G3BP1: variants seen among roughly 807,000 people sequenced by gnomAD.
G3BP1 encodes ras GTPase-activating protein-binding protein 1.
A neutral mutation model predicts 58.6 loss-of-function variants in G3BP1; 35 were observed. The ratio of observed to expected loss-of-function variants is 0.60; its 90% CI spans 0.46 to 0.79. The LOEUF (loss-of-function observed/expected upper bound fraction) is 0.79, where lower values mean the gene tolerates loss of function less well. Among genes scored for constraint, G3BP1 ranks in the 30% least tolerant of loss-of-function variants. The pLI is 0.00. For synonymous variants in G3BP1, 191 were observed against 195.4 expected (o/e 0.98, Z 0.19); for missense variants, 523 against 580.8 (o/e 0.90, Z 1.02).
intron 9 of G3BP1, 81 bp from the exon 10 acceptor site, chr5:151,800,137 G>A: frequency 7.1e-7 from 1 of 1,399,938 alleles, no homozygotes; most frequent in African/African-American, 1.4e-5. Context: ...TAGTGTAGAG[G>A]GAAAACTATT....
intron 1 of G3BP1, among the ~76,000 whole-genome samples, chr5:151,783,503 G>A (rs1418538804): frequency 2.0e-5 from 3 of 151,664 alleles, no homozygotes. Flanking sequence ...TGCCTCCCAG[G>A]TTCAAGTGAT....
intron 1 of G3BP1, among the ~76,000 whole-genome samples, chr5:151,780,626 C>T (rs1762450465): frequency 6.6e-6 from 1 of 152,176 alleles, no homozygotes; most frequent in Non-Finnish European, 1.5e-5. Context: ...TGTTCTCCTG[C>T]CTCAGCCTCC....
chr5:151,803,649 A>C (rs1561538497), intron 11 of G3BP1, among the ~76,000 whole-genome samples: 1 of 151,882 alleles, frequency 6.6e-6, no homozygotes, highest in African/African-American at 2.4e-5. Flanking sequence ...GTGTGTCACC[A>C]TGTCTGGCTA....
intron 2 of G3BP1, chr5:151,787,702 A>G: frequency 8.7e-6 from 2 of 230,414 alleles, no homozygotes; most frequent in South Asian, 4.6e-5. Context: ...GAATAATTTC[A>G]TAGAAGTTTC....
At chr5:151,775,600 A>G (rs916113044) in intron 1 of G3BP1, among the ~76,000 whole-genome samples, 1 of 152,254 alleles carries the variant, frequency 6.6e-6, no homozygotes, top group Non-Finnish European at 1.5e-5. Context: ...GCAAAGCCAT[A>G]GGCTGTGCCT....
intron 1 of G3BP1, among the ~76,000 whole-genome samples, chr5:151,773,467 C>A (rs1394499000): frequency 6.6e-6 from 1 of 152,170 alleles, no homozygotes; most frequent in Non-Finnish European, 1.5e-5. Flanking sequence ...ATTTACTCTG[C>A]TGGGTTCTTG....
At position 151,809,937 on chromosome 5, in the gene G3BP1, C is replaced by G. The variant is rs1762993616; in HGVS notation, c.*5846C>G. 6.6e-6 allele frequency: 1 copy of G among 152,198 alleles called. No individual in the cohort carries two copies. Among genetic ancestry groups the G allele is most frequent in the Non-Finnish European group, 1.5e-5 (1 of 68,042 alleles). 9.4% of individuals were successfully genotyped at this position (152,198 alleles called of 1,614,324 possible). ...CCCTCAGGGATGGGTTTACTACTAG[C>G]TGTCAGAAAGCTATTGGGTATCCTA... On this transcript the variant is annotated 3_prime_UTR_variant, in exon 12 of 12. Coordinates refer to ENST00000356245, the MANE Select transcript of G3BP1 (RefSeq NM_005754.3).
rs1330673484 is a variant in G3BP1, at chr5:151,807,819, T to A, written c.*3728T>A. On this transcript the variant is annotated 3_prime_UTR_variant, in exon 12 of 12. Transcript: ENST00000356245. ...GGTAACCTTTTTGAAGAGCTTAGAT[T>A]TGTAGACCACTGTTTATGCTGAGTG... 6.6e-6 allele frequency: 1 copy of A among 152,240 alleles called. No homozygotes were observed. The highest frequency in any genetic ancestry group is 1.5e-5 in the Non-Finnish European group (1 of 68,036). The allele number at this position is 152,240 out of a possible 1,614,324, so 9.4% of individuals were successfully genotyped here.
intron 6 of G3BP1, among the ~76,000 whole-genome samples, chr5:151,796,079 C>G (rs897971897): frequency 3.3e-5 from 5 of 152,086 alleles, no homozygotes; most frequent in African/African-American, 1.2e-4. Flanking sequence ...CAATAGAAAT[C>G]CATATTTACT....
intron 7 of G3BP1, 40 bp downstream of exon 7, chr5:151,797,468 T>A: frequency 1.3e-6 from 2 of 1,535,638 alleles, no homozygotes; most frequent in Non-Finnish European, 1.8e-6. Context: ...TTCCTAGTTA[T>A]TTTTTTTAAA....
At chr5:151,782,004 T>A (rs914862698) in intron 1 of G3BP1, among the ~76,000 whole-genome samples, 4 of 152,032 alleles carry the variant, frequency 2.6e-5, no homozygotes, top group African/African-American at 7.2e-5. Flanking sequence ...TTTTTTTTTT[T>A]AACTCCTTTA....
In G3BP1 at chr5:151,798,971, G is replaced by T. The variant is rs531348365; in HGVS notation, c.742-241G>T. Among the ~76,000 whole-genome samples the T allele has an allele frequency of 5.1e-4, 77 of 152,022 alleles. 1 individual carries two copies. Among genetic ancestry groups the T allele is most frequent in the Non-Finnish European group, 3.1e-4 (21 of 67,936 alleles). ...GCAAGATTCTGTCTCAAAAAAAAAA[G>T]TGAGTAGTTTCTTGAACCTAAGCCT... On this transcript the variant is annotated intron_variant, in intron 7 of 11. Coordinates refer to ENST00000356245, the MANE Select transcript of G3BP1 (RefSeq NM_005754.3).
chr5:151,799,296 A>G lies in G3BP1; in HGVS notation c.826A>G (p.Lys276Glu). 6.4e-7 allele frequency: 1 copy of G among 1,561,882 alleles called. No individual in the cohort carries two copies. The highest frequency in any genetic ancestry group is 8.8e-7 in the Non-Finnish European group (1 of 1,132,406). Residue 276 changes from lysine (K) to glutamate (E), a missense_variant, in exon 8 of 12, where the codon AAA becomes GAA. Coordinates refer to ENST00000356245, the MANE Select transcript of G3BP1 (RefSeq NM_005754.3). ...TACTGGGATACCACCTCATGTTGTTAAAGTACCAGCTTCACAGGTAAGGTC... is the reference window on the plus strand; with the variant it reads ...TACTGGGATACCACCTCATGTTGTTGAAGTACCAGCTTCACAGGTAAGGTC... ...PVTGIPPHVV[K>E]VPASQPRPES... is the part of the protein sequence containing the mutation.
Position 151,804,124 on chromosome 5 carries a change from C to T in G3BP1, c.*33C>T. ...TGGATCTTCATGCAGCCATACAAAC[C>T]CTGGTTCCAACAGAATGGTGAATTT... On this transcript the variant is annotated 3_prime_UTR_variant, in exon 12 of 12. Coordinates refer to ENST00000356245, the MANE Select transcript of G3BP1 (RefSeq NM_005754.3). The T allele has an allele frequency of 6.8e-7, 1 of 1,473,522 alleles. No individual in the cohort carries two copies. Among genetic ancestry groups the T allele is most frequent in the Non-Finnish European group, 9.3e-7 (1 of 1,075,626 alleles). The allele number at this position is 1,473,522 out of a possible 1,614,324, so 91.3% of individuals were successfully genotyped here. A position where few individuals can be genotyped will look rare whatever the true frequency, so the allele number is the denominator to read the frequency against.
At chr5:151,790,242 A>G (rs1295389925) in intron 2 of G3BP1, 81 bp from the exon 3 acceptor site, 4 of 727,544 alleles carry the variant, frequency 5.5e-6, no homozygotes, top group Middle Eastern at 2.7e-4. Context: ...AAAAAAAAAA[A>G]AAAAGTTTGC....
In G3BP1 at chr5:151,812,598, G is replaced by A. The variant is rs1763031994; in HGVS notation, c.*8507G>A. 6.6e-6 allele frequency: 1 copy of A among 152,152 alleles called. No homozygotes were observed. The highest frequency in any genetic ancestry group is 2.1e-4 in the South Asian group (1 of 4,828). 9.4% of individuals were successfully genotyped at this position (152,152 alleles called of 1,614,324 possible). ...TCATTTGCTTTGGCCAGGTTGGGTG[G>A]GACTCTGAGATTGCACACTCTTGCC... On this transcript the variant is annotated 3_prime_UTR_variant, in exon 12 of 12. Coordinates refer to ENST00000356245, the MANE Select transcript of G3BP1 (RefSeq NM_005754.3).
rs1762933540 is a variant in G3BP1 at position 151,805,979 on chromosome 5, A to G, written c.*1888A>G. On this transcript the variant is annotated 3_prime_UTR_variant, in exon 12 of 12. Transcript: ENST00000356245. ...AGAAGTTCTTCCTACTTGGAGACTT[A>G]AGGGCATTAACTAGATGCAGCAATC... 1 of 152,212 alleles carries G rather than the reference A, an allele frequency of 6.6e-6. No homozygotes were observed. The highest frequency in any genetic ancestry group is 6.5e-5 in the Admixed American group (1 of 15,278). 9.4% of individuals were successfully genotyped at this position (152,212 alleles called of 1,614,324 possible).
chr5:151,776,103 C>A (rs1762364817), intron 1 of G3BP1, among the ~76,000 whole-genome samples: 1 of 152,188 alleles, frequency 6.6e-6, no homozygotes, highest in African/African-American at 2.4e-5. Flanking sequence ...TATGTAGTCT[C>A]CTGATCTGTG....
chr5:151,778,228 G>C (rs572281389), intron 1 of G3BP1, among the ~76,000 whole-genome samples: 20 of 152,252 alleles, frequency 1.3e-4, no homozygotes, highest in African/African-American at 4.8e-4. Flanking sequence ...TGTTTGGGGG[G>C]TTCCAGTTCT....
Sources: allele counts gnomAD v4.1 joint callset (sites outside exome capture counted in the v4.1 genomes callset), GRCh38; gene constraint gnomAD v4.1.1; transcripts MANE v1.5; gene names NCBI Gene and HGNC (gene_info 2026-07-23, HGNC 2026-07-21).